The following ITGBL1 variants were observed in gnomAD, a reference collection of about 807,000 sequenced individuals.
ITGBL1 encodes integrin beta-like protein 1.
ITGBL1 carries 51 observed loss-of-function variants against 68.5 expected under a neutral mutation model. The observed-to-expected ratio is 0.74, with a 90% CI of 0.59 to 0.94. The LOEUF (loss-of-function observed/expected upper bound fraction) is 0.94, where lower values mean the gene tolerates loss of function less well. ITGBL1 is among the 40% of genes least tolerant of loss of function. The pLI is 0.00. For synonymous variants in ITGBL1, 209 were observed against 227.3 expected (o/e 0.92, Z 0.72); for missense variants, 649 against 647.4 (o/e 1.00, Z -0.03).
intron 2 of ITGBL1, among the ~76,000 whole-genome samples, chr13:101,485,782 ACT>A (rs1313107034): frequency 6.6e-6 from 1 of 152,036 alleles, no homozygotes; most frequent in Non-Finnish European, 1.5e-5. Flanking sequence ...ACAGCGCGAG[ACT>A]CTGTCTCAGA....
chr13:101,547,805 A>G lies in ITGBL1; in HGVS notation c.317-19894A>G, dbSNP rs114871426. Among the ~76,000 whole-genome samples, 1,389 of 151,860 alleles carry G rather than the reference A, an allele frequency of 9.1e-3. 20 individuals are homozygous for G. Among genetic ancestry groups the G allele is most frequent in the African/African-American group, 0.032 (1,316 of 41,504 alleles). Reference sequence around the variant, plus strand: ...ATGCGTTGTATGCCTGTATCAAAATATCTCAGGCACCCTATAAATACATAC... The same window carrying G: ...ATGCGTTGTATGCCTGTATCAAAATGTCTCAGGCACCCTATAAATACATAC... On this transcript the variant is annotated intron_variant, in intron 2 of 10. Transcript: ENST00000376180.
At chr13:101,484,525 CAGA>C (rs1258928864) in intron 2 of ITGBL1, among the ~76,000 whole-genome samples, 1 of 152,036 alleles carries the variant, frequency 6.6e-6, no homozygotes, top group Middle Eastern at 3.2e-3. Flanking sequence ...ATTCACATCA[CAGA>C]AGAAAAAACG....
At chr13:101,603,069 T>G (rs369791209) in intron 7 of ITGBL1, among the ~76,000 whole-genome samples, 1 of 152,010 alleles carries the variant, frequency 6.6e-6, no homozygotes, top group Non-Finnish European at 1.5e-5. Flanking sequence ...TGGACATGTC[T>G]TTTAATTTCT....
chr13:101,464,227 T>C (rs2048353445), intron 2 of ITGBL1, among the ~76,000 whole-genome samples: 1 of 152,326 alleles, frequency 6.6e-6, no homozygotes, highest in East Asian at 1.9e-4. Context: ...TGCTTTGTTA[T>C]GTACTTCAGC....
In ITGBL1 at chr13:101,452,729, G is replaced by T. The variant is rs528492153; in HGVS notation, c.-105G>T. ...TGCAAGCCTGGGTGTCCGTGGGTCCGTCTGCCCAGCCATCTGCTGGTGGCA... is the reference window on the plus strand; with the variant it reads ...TGCAAGCCTGGGTGTCCGTGGGTCCTTCTGCCCAGCCATCTGCTGGTGGCA... On this transcript the variant is annotated 5_prime_UTR_variant, in exon 1 of 11. Coordinates refer to ENST00000376180, the MANE Select transcript of ITGBL1 (RefSeq NM_004791.3). 1.1e-4 allele frequency: 97 copies of T among 876,596 alleles called. No individual in the cohort carries two copies. Among genetic ancestry groups the T allele is most frequent in the Middle Eastern group, 3.5e-4 (1 of 2,888 alleles). The allele number at this position is 876,596 out of a possible 1,614,324, so 54.3% of individuals were successfully genotyped here. A position where few individuals can be genotyped will look rare whatever the true frequency, so the allele number is the denominator to read the frequency against.
intron 8 of ITGBL1, among the ~76,000 whole-genome samples, chr13:101,694,716 C>G (rs984965546): frequency 2.0e-5 from 3 of 152,158 alleles, no homozygotes; most frequent in Admixed American, 6.6e-5. Flanking sequence ...GCCACTGAGC[C>G]TGGCCAGAAA....
At chr13:101,673,027 C>T (rs566199319) in intron 7 of ITGBL1, among the ~76,000 whole-genome samples, 13 of 152,286 alleles carry the variant, frequency 8.5e-5, no homozygotes, top group Middle Eastern at 3.4e-3. Context: ...TTGAGCCACA[C>T]GGCAAGTTCA....
rs1010799387 is a variant in ITGBL1, at chr13:101,452,741, A to T, written c.-93A>T. Reference sequence around the variant, plus strand: ...TGTCCGTGGGTCCGTCTGCCCAGCCATCTGCTGGTGGCACCTCTCCCTCCT... The same window carrying T: ...TGTCCGTGGGTCCGTCTGCCCAGCCTTCTGCTGGTGGCACCTCTCCCTCCT... On this transcript the variant is annotated 5_prime_UTR_variant, in exon 1 of 11. Transcript: ENST00000376180. The T allele has an allele frequency of 1.0e-6, 1 of 988,278 alleles. No homozygotes were observed. The allele number at this position is 988,278 out of a possible 1,614,324, so 61.2% of individuals were successfully genotyped here.
At chr13:101,609,065 G>T (rs2031006957) in intron 7 of ITGBL1, among the ~76,000 whole-genome samples, 1 of 151,858 alleles carries the variant, frequency 6.6e-6, no homozygotes, top group African/African-American at 2.4e-5. Context: ...CACTATTATG[G>T]GTTGTATATG....
At chr13:101,705,307 A>ACAAC (rs1555367875) in intron 8 of ITGBL1, among the ~76,000 whole-genome samples, 5 of 144,878 alleles carry the variant, frequency 3.5e-5, no homozygotes, top group African/African-American at 1.1e-4. Flanking sequence ...AAAAAAAAAA[A>ACAAC]AACAACAACA....
chr13:101,579,399 T>A lies in ITGBL1; in HGVS notation c.699T>A (p.Ser233=), dbSNP rs2050417585. The A allele has an allele frequency of 6.2e-7, 1 of 1,613,702 alleles. No homozygotes were observed. Among genetic ancestry groups the A allele is most frequent in the African/African-American group, 1.3e-5 (1 of 74,912 alleles). The change falls in exon 5 of 11, where the codon TCT becomes TCA. Residue 233 remains serine, a synonymous_variant. Coordinates refer to ENST00000376180, the MANE Select transcript of ITGBL1 (RefSeq NM_004791.3). ...TPWESKRRCT[S]PDGKICSNRG... is the part of the protein sequence containing the mutation. ...GGGAAAGCAAGCGAAGATGCACGTC[T>A]CCAGATGGCAAAATCTGCAGTAACA...
chr13:101,488,959 C>T (rs2048738235), intron 2 of ITGBL1, among the ~76,000 whole-genome samples: 1 of 152,152 alleles, frequency 6.6e-6, no homozygotes, highest in South Asian at 2.1e-4. Flanking sequence ...ATGTTAATGG[C>T]TGTTTACCAG....
At chr13:101,642,606 G>C (rs2032420164) in intron 7 of ITGBL1, among the ~76,000 whole-genome samples, 1 of 151,996 alleles carries the variant, frequency 6.6e-6, no homozygotes, top group Non-Finnish European at 1.5e-5. Context: ...TGTTGCCATT[G>C]CTTTTGGTGT....
intron 3 of ITGBL1, among the ~76,000 whole-genome samples, chr13:101,571,859 G>T (rs1185995765): frequency 6.6e-6 from 1 of 152,062 alleles, no homozygotes; most frequent in Non-Finnish European, 1.5e-5. Context: ...CAAAAGCACA[G>T]GACTGGATTC....
chr13:101,532,378 TAATAGA>T (rs2049499252), intron 2 of ITGBL1, among the ~76,000 whole-genome samples: 1 of 152,224 alleles, frequency 6.6e-6, no homozygotes, highest in South Asian at 2.1e-4. Context: ...TTGTTCTGCT[TAATAGA>T]TGCTTAACTA....
rs1052515660 is a variant in ITGBL1, at chr13:101,541,028, T to G, written c.317-26671T>G. On this transcript the variant is annotated intron_variant, in intron 2 of 10. Coordinates refer to ENST00000376180, the MANE Select transcript of ITGBL1 (RefSeq NM_004791.3). ...GGGACAATTTGACTTCCTCTTTTCC[T>G]AATTGAATACCCTTTATTTCCTTCT... is the stretch of plus-strand genomic sequence containing the variant. Among the ~76,000 whole-genome samples, 7 of 129,252 alleles carry G rather than the reference T, an allele frequency of 5.4e-5. No individual in the cohort carries two copies. The Admixed American group carries it at 5.8e-4, about 11-fold the overall frequency. The allele number at this position is 129,252 out of a possible 152,430, so 84.8% of individuals were successfully genotyped here.
intron 5 of ITGBL1, among the ~76,000 whole-genome samples, chr13:101,581,114 C>T (rs989113326): frequency 1.3e-5 from 2 of 152,140 alleles, no homozygotes; most frequent in Non-Finnish European, 2.9e-5. Context: ...ACATACCTAT[C>T]TTGTCTTCCT....
At chr13:101,609,340 G>A (rs976257361) in intron 7 of ITGBL1, among the ~76,000 whole-genome samples, 4 of 152,006 alleles carry the variant, frequency 2.6e-5, no homozygotes, top group African/African-American at 9.7e-5. Flanking sequence ...GGATTTCTGT[G>A]TTGGGACATT....
At position 101,597,006 on chromosome 13, in the gene ITGBL1, A is replaced by G. The variant is rs534501385; in HGVS notation, c.869-1147A>G. On this transcript the variant is annotated intron_variant, in intron 6 of 10. Transcript: ENST00000376180. The stretch of plus-strand genomic sequence containing the variant: ...GTATGAGTAGTGAATTCATGTCACT[A>G]TATGTTTACTCACACTCATACAATG... Among the ~76,000 whole-genome samples the G allele has an allele frequency of 6.0e-4, 91 of 152,268 alleles. 2 individuals are homozygous for G. The South Asian group carries it at 0.017, about 29-fold the overall frequency.
Sources: gnomAD v4.1 joint callset for allele counts (sites outside exome capture counted in the v4.1 genomes callset) on GRCh38, gnomAD v4.1.1 for gene constraint, MANE v1.5 for transcripts, NCBI Gene and HGNC (gene_info 2026-07-23, HGNC 2026-07-21) for gene names.